Variants in DGCR2 observed in about 807,000 individuals in gnomAD.
DGCR2 encodes integral membrane protein DGCR2/IDD.
Under a neutral mutation model 51.6 loss-of-function variants are expected in DGCR2, and 24 were observed. The observed-to-expected ratio is 0.47, with a 90% CI of 0.34 to 0.65. The LOEUF is 0.65. Among genes scored for constraint, DGCR2 ranks in the 30% least tolerant of loss-of-function variants. The pLI is 0.01. For synonymous variants in DGCR2, 340 were observed against 315.4 expected (o/e 1.08, Z -0.82); for missense variants, 765 against 772.1 (o/e 0.99, Z 0.11).
chr22:19,064,939 C>A lies in DGCR2; in HGVS notation c.457G>T (p.Ala153Ser). The A allele has an allele frequency of 6.2e-7, 1 of 1,613,940 alleles. No homozygotes were observed. Among genetic ancestry groups the A allele is most frequent in the East Asian group, 2.2e-5 (1 of 44,880 alleles). ...QTCQRLNGSLATFSTDQELRF... is the reference protein window; with the variant it reads ...QTCQRLNGSLSTFSTDQELRF... ...AGCTCCTGGTCAGTGGAGAAGGTGG[C>A]GAGAGAGCCATTCAGGCGCTGGCAG... Residue 153 changes from alanine to serine, a missense_variant, in exon 4 of 10, where the codon GCC (alanine) becomes TCC (serine). By Grantham distance (99) the Ala-to-Ser change is moderately conservative (BLOSUM62 1). This residue lies in a region of DGCR2 where 370 missense variants were observed against 325.5 expected (regional missense o/e 1.14). Transcript: ENST00000263196.
In DGCR2 at chr22:19,041,247, G is replaced by C. The variant is rs1418262769; in HGVS notation, c.1207C>G (p.Pro403Ala). The change falls in exon 9 of 10, where the codon CCA (proline) becomes GCA (alanine). Residue 403 changes from proline (P) to alanine (A), a missense_variant. By Grantham distance (27) the Pro-to-Ala change is conservative. Around this residue, in one of 3 missense-constraint regions of DGCR2, gnomAD observed 190 missense variants for 265.2 expected, o/e 0.72. Coordinates refer to ENST00000263196, the MANE Select transcript of DGCR2 (RefSeq NM_005137.3). ...GRRIPGFDYGPDGFGTGLTPL... is the reference protein window; with the variant it reads ...GRRIPGFDYGADGFGTGLTPL... ...GTGAGGCCCGTGCCAAACCCGTCTGGGCCGTAATCAAAGCCAGGGATCCTG... is the reference window on the plus strand; with the variant it reads ...GTGAGGCCCGTGCCAAACCCGTCTGCGCCGTAATCAAAGCCAGGGATCCTG... The C allele has an allele frequency of 1.9e-6, 3 of 1,614,092 alleles. No homozygotes were observed. The highest frequency in any genetic ancestry group is 1.7e-6 in the Non-Finnish European group (2 of 1,179,998).
rs1569040391 is a variant in DGCR2 at position 19,048,491 on chromosome 22, G to T, written c.955C>A (p.Gln319Lys). Reference protein sequence around the residue: ...ALCERPQGCQQYRKDPKECCK... With the variant: ...ALCERPQGCQKYRKDPKECCK... ...CACTCTTTGGGGTCCTTGCGGTACT[G>T]TTGGCAGCCCTGGGGCCTCTCACAG... is the stretch of plus-strand genomic sequence containing the variant. The change falls in exon 7 of 10, where the codon CAG becomes AAG. Residue 319 changes from glutamine (Q) to lysine (K), a missense_variant. Transcript: ENST00000263196. The T allele has an allele frequency of 1.2e-6, 2 of 1,614,216 alleles. No individual in the cohort carries two copies. Among genetic ancestry groups the T allele is most frequent in the Non-Finnish European group, 1.7e-6 (2 of 1,180,052 alleles).
At chr22:19,104,031 G>A (rs1174071539) in intron 1 of DGCR2, among the ~76,000 whole-genome samples, 1 of 152,122 alleles carries the variant, frequency 6.6e-6, no homozygotes, top group Non-Finnish European at 1.5e-5. Flanking sequence ...TTTCAAAAGA[G>A]AGAGAGAAAA....
intron 1 of DGCR2, among the ~76,000 whole-genome samples, chr22:19,118,354 G>T (rs2083394475): frequency 9.1e-6 from 1 of 110,414 alleles, no homozygotes; most frequent in Admixed American, 1.3e-4. Context: ...CTGGGTGACA[G>T]ACAGAAACTC....
rs983914764 is a variant in DGCR2, at chr22:19,122,374, G to A, written c.-168C>T. The A allele has an allele frequency of 1.6e-5, 8 of 494,900 alleles. No homozygotes were observed. Among genetic ancestry groups the A allele is most frequent in the Middle Eastern group, 5.6e-4 (1 of 1,776 alleles). 30.7% of individuals were successfully genotyped at this position (494,900 alleles called of 1,614,324 possible). The stretch of plus-strand genomic sequence containing the variant: ...GGCCGCGGGCTGGCGCACACTCTCG[G>A]CTGCAACCTCAGGCACCGACTCCAG... On this transcript the variant is annotated 5_prime_UTR_variant, in exon 1 of 10. Coordinates refer to ENST00000263196, the MANE Select transcript of DGCR2 (RefSeq NM_005137.3).
chr22:19,122,372 C>A lies in DGCR2; in HGVS notation c.-166G>T, dbSNP rs1405568652. On this transcript the variant is annotated 5_prime_UTR_variant, in exon 1 of 10. Transcript: ENST00000263196. ...TGGGCCGCGGGCTGGCGCACACTCT[C>A]GGCTGCAACCTCAGGCACCGACTCC... 3 of 494,898 alleles carry A rather than the reference C, an allele frequency of 6.1e-6. No individual in the cohort carries two copies. Among genetic ancestry groups the A allele is most frequent in the Non-Finnish European group, 1.0e-5 (3 of 289,764 alleles). 30.7% of individuals were successfully genotyped at this position (494,898 alleles called of 1,614,324 possible). A position where few individuals can be genotyped will look rare whatever the true frequency, so the allele number is the denominator to read the frequency against.
chr22:19,117,760 T>C (rs62221756), intron 1 of DGCR2, among the ~76,000 whole-genome samples: 20,486 of 152,174 alleles, frequency 0.13, 1,570 homozygotes, highest in Middle Eastern at 0.22. Context: ...TATTTCCAAA[T>C]AAAAGTTTTC....
At chr22:19,084,282 T>A (rs1162441138) in intron 2 of DGCR2, among the ~76,000 whole-genome samples, 1 of 151,430 alleles carries the variant, frequency 6.6e-6, no homozygotes, top group Non-Finnish European at 1.5e-5. Flanking sequence ...GAGGAGTGTC[T>A]CTGCCCGGCC....
chr22:19,099,892 C>A (rs1294178773), intron 1 of DGCR2, among the ~76,000 whole-genome samples: 1 of 151,788 alleles, frequency 6.6e-6, no homozygotes, highest in Non-Finnish European at 1.5e-5. Context: ...ATTTCTTAAA[C>A]CCAGGAGGCA....
intron 1 of DGCR2, among the ~76,000 whole-genome samples, chr22:19,107,367 AC>A (rs2083270363): frequency 6.6e-6 from 1 of 152,202 alleles, no homozygotes; most frequent in Non-Finnish European, 1.5e-5. Context: ...CAACACTGAC[AC>A]TGGGGAACAC....
intron 6 of DGCR2, among the ~76,000 whole-genome samples, chr22:19,052,896 C>T (rs73157294): frequency 0.16 from 24,573 of 152,142 alleles, 2,217 homozygotes; most frequent in South Asian, 0.28. Flanking sequence ...ATTTATAGAA[C>T]ATTTCTGCCT....
chr22:19,113,096 G>T (rs1257085101), intron 1 of DGCR2, among the ~76,000 whole-genome samples: 2 of 103,336 alleles, frequency 1.9e-5, no homozygotes, highest in Non-Finnish European at 4.5e-5. Flanking sequence ...TATGGGCCAG[G>T]CACAGTGGCT....
In DGCR2 at chr22:19,065,007, C is replaced by T. The variant is rs372705805; in HGVS notation, c.389G>A (p.Arg130Gln). The T allele has an allele frequency of 6.8e-6, 11 of 1,613,928 alleles. No homozygotes were observed. The highest frequency in any genetic ancestry group is 6.7e-5 in the African/African-American group (5 of 74,942). ...HHYEGTASCYRVYLSGENYWD... is the reference protein window; with the variant it reads ...HHYEGTASCYQVYLSGENYWD... ...GTAGTTCTCCCCGCTCAGGTAGACC[C>T]GGTAGCAGCTGGCCGTGCCTTCGTA... The change falls in exon 4 of 10, where the codon CGG becomes CAG. Residue 130 changes from arginine to glutamine, a missense_variant. Physicochemically the swap from Arg to Gln is conservative, Grantham distance 43. Transcript: ENST00000263196.
chr22:19,108,600 A>G (rs1456658835), intron 1 of DGCR2, among the ~76,000 whole-genome samples: 1 of 135,378 alleles, frequency 7.4e-6, no homozygotes, highest in Non-Finnish European at 1.6e-5. Context: ...AAAAAAAAAA[A>G]AAAAGATGCA....
Position 19,050,092 on chromosome 22 carries a change from C to T in DGCR2, c.803-1449G>A, listed in dbSNP as rs937297496. Among the ~76,000 whole-genome samples the T allele has an allele frequency of 2.6e-5, 4 of 152,268 alleles. No homozygotes were observed. In the East Asian group the frequency reaches 7.7e-4, roughly 29 times the overall value. ...CTAACAGCTGCAAACTACTCAAATT[C>T]ATTGAAAAACAATAACCTATACATC... On this transcript the variant is annotated intron_variant, in intron 6 of 9. Transcript: ENST00000263196.
At chr22:19,067,932 C>T (rs1167340414) in intron 3 of DGCR2, among the ~76,000 whole-genome samples, 168 bp downstream of exon 3, 1 of 152,202 alleles carries the variant, frequency 6.6e-6, no homozygotes, top group African/African-American at 2.4e-5. Flanking sequence ...ACCACTCCAG[C>T]GCTGGGTGAC....
At chr22:19,046,703 C>A in intron 7 of DGCR2, 1 of 421,996 alleles carries the variant, frequency 2.4e-6, no homozygotes. Context: ...GAGTCAGGAG[C>A]CCATGGAAGC....
intron 7 of DGCR2, chr22:19,046,691 G>T: frequency 2.5e-6 from 1 of 401,654 alleles, no homozygotes; most frequent in Non-Finnish European, 5.1e-6. Flanking sequence ...AAGGCCCTAG[G>T]AGAGTCAGGA....
intron 8 of DGCR2, chr22:19,041,573 C>G: frequency 1.7e-6 from 1 of 598,552 alleles, no homozygotes. Context: ...AAGGGTGATC[C>G]GGGCCTCTGA....
Sources: gnomAD v4.1 joint callset for allele counts (sites outside exome capture counted in the v4.1 genomes callset) on GRCh38, gnomAD v4.1.1 for gene constraint, gnomAD v4.1.1 regional missense constraint, MANE v1.5 for transcripts, NCBI Gene and HGNC (gene_info 2026-07-23, HGNC 2026-07-21) for gene names.